Variants in SLC49A4 observed in about 807,000 individuals in gnomAD.
SLC49A4 encodes the protein solute carrier family 49 member 4.
In SLC49A4, 36 loss-of-function variants were observed where a neutral mutation model predicts 50.6. The observed-to-expected ratio is 0.71, with a 90% CI of 0.55 to 0.94. SLC49A4 has a LOEUF of 0.94. Ranked by LOEUF, SLC49A4 falls within the 40% of genes least tolerant of loss-of-function variation. SLC49A4 has a pLI of 0.00. For missense variants in SLC49A4, 503 were observed against 605.7 expected, an observed-to-expected ratio of 0.83 and a Z score of 1.78; for synonymous variants, 248 against 241.2, an observed-to-expected ratio of 1.03 and a Z score of -0.26.
intron 4 of SLC49A4, among the ~76,000 whole-genome samples, chr3:122,835,725 G>A (rs1013139125): frequency 3.9e-5 from 6 of 152,130 alleles, no homozygotes; most frequent in Non-Finnish European, 7.4e-5. Context: ...CACCACTTCA[G>A]TTCGAAAGTA....
chr3:122,860,098 T>C lies in SLC49A4; in HGVS notation c.1034T>C (p.Met345Thr). The C allele has an allele frequency of 6.2e-7, 1 of 1,611,758 alleles. No homozygotes were observed. The highest frequency in any genetic ancestry group is 1.1e-5 in the South Asian group (1 of 90,636). ...MARFADFIRG[M>T]LKLILLLLFS... The stretch of plus-strand genomic sequence containing the variant: ...AGGTTTGCAGATTTTATCAGGGGTA[T>C]GCTGAAACTAATTCTTCTCCTCCTG... Residue 345 changes from methionine (M) to threonine (T), a missense_variant, in exon 7 of 9, where the codon ATG becomes ACG. Transcript: ENST00000261038.
intron 8 of SLC49A4, among the ~76,000 whole-genome samples, chr3:122,875,658 G>T (rs143363805): frequency 7.2e-5 from 11 of 152,054 alleles, no homozygotes; most frequent in Non-Finnish European, 1.5e-4. Flanking sequence ...AGCCTAGAAG[G>T]CCTGATTTTT....
intron 7 of SLC49A4, among the ~76,000 whole-genome samples, chr3:122,871,074 A>G (rs1937192124): frequency 6.6e-6 from 1 of 152,264 alleles, no homozygotes; most frequent in East Asian, 1.9e-4. Flanking sequence ...TATCATAGCT[A>G]TCAGATGCTT....
At chr3:122,812,745 A>G (rs866195494) in intron 2 of SLC49A4, among the ~76,000 whole-genome samples, 1 of 152,216 alleles carries the variant, frequency 6.6e-6, no homozygotes, top group Non-Finnish European at 1.5e-5. Flanking sequence ...CAGTATAATC[A>G]CACAATACAT....
intron 4 of SLC49A4, among the ~76,000 whole-genome samples, chr3:122,841,913 C>T (rs542203327): frequency 1.8e-4 from 27 of 150,560 alleles, no homozygotes; most frequent in Non-Finnish European, 3.0e-4. Flanking sequence ...CTCTATAGCA[C>T]GTCGTACATT....
rs772405699 is a variant in SLC49A4 at position 122,860,055 on chromosome 3, T to C, written c.1011-20T>C. The C allele has an allele frequency of 2.5e-6, 4 of 1,595,446 alleles. No individual in the cohort carries two copies. The East Asian group carries it at 9.0e-5, about 36-fold the overall frequency. ...TATTTTTAAATCCCACTAGAATTAATAGAGCATTTTTGTTTTTAGGTTTGC... is the reference window on the plus strand; with the variant it reads ...TATTTTTAAATCCCACTAGAATTAACAGAGCATTTTTGTTTTTAGGTTTGC... On this transcript the variant is annotated intron_variant, in intron 6 of 8. Coordinates refer to ENST00000261038, the MANE Select transcript of SLC49A4 (RefSeq NM_032839.3).
chr3:122,847,350 AT>A (rs56148238), intron 5 of SLC49A4, among the ~76,000 whole-genome samples: 41 of 139,158 alleles, frequency 2.9e-4, no homozygotes, highest in Admixed American at 6.5e-4. Context: ...ACAGTGTACA[AT>A]TTTTTTTTTT....
Position 122,826,930 on chromosome 3 carries a change from A to G in SLC49A4, c.568A>G (p.Ser190Gly), listed in dbSNP as rs779025746. The G allele has an allele frequency of 6.2e-7, 1 of 1,614,224 alleles. No homozygotes were observed. The highest frequency in any genetic ancestry group is 1.7e-5 in the Admixed American group (1 of 60,018). ...AGCCACAGCTATTGCATCAATGCTC[A>G]GTTATCTTGGGGGAGCATGTGCATT... is the stretch of plus-strand genomic sequence containing the variant. ...ATATAIASML[S>G]YLGGACAFLV... is the part of the protein sequence containing the mutation. Residue 190 changes from serine (S) to glycine (G), a missense_variant, in exon 3 of 9, where the codon AGT becomes GGT. Transcript: ENST00000261038.
Position 122,879,989 on chromosome 3 carries a change from G to A in SLC49A4, c.*611G>A, listed in dbSNP as rs1028122567. Reference sequence around the variant, plus strand: ...GATCAGGTGCTTTCCAGTGACTTCTGAGCATAGGCACTGTGTCTCCATCTC... The same window carrying A: ...GATCAGGTGCTTTCCAGTGACTTCTAAGCATAGGCACTGTGTCTCCATCTC... On this transcript the variant is annotated 3_prime_UTR_variant, in exon 9 of 9. Transcript: ENST00000261038. 6.6e-6 allele frequency: 1 copy of A among 152,622 alleles called. No homozygotes were observed. Among genetic ancestry groups the A allele is most frequent in the African/African-American group, 2.4e-5 (1 of 41,448 alleles). 9.5% of individuals were successfully genotyped at this position (152,622 alleles called of 1,614,324 possible).
At chr3:122,878,545 T>C (rs1937293715) in intron 8 of SLC49A4, among the ~76,000 whole-genome samples, 1 of 152,134 alleles carries the variant, frequency 6.6e-6, no homozygotes, top group South Asian at 2.1e-4. Context: ...TGAGAGAGCA[T>C]TTCTAAAGAA....
intron 5 of SLC49A4, among the ~76,000 whole-genome samples, chr3:122,849,320 T>A (rs564678009): frequency 1.9e-4 from 29 of 152,234 alleles, no homozygotes; most frequent in Non-Finnish European, 4.3e-4. Flanking sequence ...TATACTGATT[T>A]CCTTTCTATT....
At chr3:122,848,326 T>C (rs10934619) in intron 5 of SLC49A4, among the ~76,000 whole-genome samples, 22,372 of 152,062 alleles carry the variant, frequency 0.15, 2,223 homozygotes, top group East Asian at 0.34. Flanking sequence ...ATTTCTAGAC[T>C]TTATTCCTTT....
At chr3:122,816,272 C>T (rs1040338908) in intron 2 of SLC49A4, among the ~76,000 whole-genome samples, 6 of 152,248 alleles carry the variant, frequency 3.9e-5, no homozygotes, top group African/African-American at 1.4e-4. Context: ...ATATTGCAGG[C>T]CTCGGGCAGA....
intron 4 of SLC49A4, among the ~76,000 whole-genome samples, chr3:122,840,238 A>G (rs1248008305): frequency 6.6e-6 from 1 of 152,122 alleles, no homozygotes; most frequent in Non-Finnish European, 1.5e-5. Context: ...CAGAATGGAG[A>G]GGATGGTGGA....
At chr3:122,796,395 A>T (rs1440836514) in intron 1 of SLC49A4, among the ~76,000 whole-genome samples, 1 of 152,220 alleles carries the variant, frequency 6.6e-6, no homozygotes, top group Non-Finnish European at 1.5e-5. Context: ...TTCTTTAGTC[A>T]GATTTGGAAG....
rs116092426 is a variant in SLC49A4 at position 122,844,107 on chromosome 3, C to A, written c.834-1656C>A. 4.4e-3 allele frequency among the ~76,000 whole-genome samples: 670 copies of A among 152,312 alleles called. 6 individuals carry two copies. Among genetic ancestry groups the A allele is most frequent in the African/African-American group, 0.015 (639 of 41,570 alleles). The stretch of plus-strand genomic sequence containing the variant: ...AGACCCTGTAACATGATTGCTAGGT[C>A]ATAAAATAGTCTAAGCTTAATTTGT... On this transcript the variant is annotated intron_variant, in intron 4 of 8. Transcript: ENST00000261038.
intron 7 of SLC49A4, among the ~76,000 whole-genome samples, chr3:122,867,026 T>A (rs1937129974): frequency 6.6e-6 from 1 of 152,198 alleles, no homozygotes; most frequent in South Asian, 2.1e-4. Flanking sequence ...AGAGTGTGTT[T>A]TATTTACTGC....
At chr3:122,827,771 C>T (rs559297965) in intron 3 of SLC49A4, among the ~76,000 whole-genome samples, 2 of 152,064 alleles carry the variant, frequency 1.3e-5, no homozygotes, top group African/African-American at 4.8e-5. Flanking sequence ...GTAAGGTCAA[C>T]GATGAGACAA....
At chr3:122,859,106 T>C (rs959659508) in intron 6 of SLC49A4, among the ~76,000 whole-genome samples, 1 of 151,848 alleles carries the variant, frequency 6.6e-6, no homozygotes, top group Non-Finnish European at 1.5e-5. Context: ...AGAAATAAAA[T>C]AGAAAGTGGA....
Sources: allele counts gnomAD v4.1 joint callset (sites outside exome capture counted in the v4.1 genomes callset), GRCh38; gene constraint gnomAD v4.1.1; transcripts MANE v1.5; gene names NCBI Gene and HGNC (gene_info 2026-07-23, HGNC 2026-07-21).